BRCA1: variants seen among roughly 807,000 people sequenced by gnomAD.
BRCA1 encodes the protein breast cancer type 1 susceptibility protein.
BRCA1 carries 140 observed loss-of-function variants against 173.7 expected under a neutral mutation model. That is an observed-to-expected ratio of 0.81 (90% confidence interval 0.70 to 0.93). BRCA1 has a LOEUF of 0.93. BRCA1 is among the 40% of genes least tolerant of loss of function. BRCA1 has a pLI of 0.00. For missense variants in BRCA1, 1,983 were observed against 2,172.5 expected (o/e 0.91, Z 1.73); for synonymous variants, 662 against 756.0 (o/e 0.88, Z 2.04).
intron 19 of BRCA1, among the ~76,000 whole-genome samples, chr17:43,051,474 G>A (rs2051234051): frequency 6.6e-6 from 1 of 152,112 alleles, no homozygotes; most frequent in African/African-American, 2.4e-5. Flanking sequence ...AGGGAAAAAA[G>A]GTCCTTCTGT....
chr17:43,155,528 GTGAAACTTTTTT>G (rs1235450831), intron 1 of BRCA1, among the ~76,000 whole-genome samples: 2 of 152,076 alleles, frequency 1.3e-5, no homozygotes, highest in Non-Finnish European at 2.9e-5. Flanking sequence ...ACTATGTCCA[GTGAAACTTTTTT>G]TGGGGGGAGA....
At chr17:43,111,971 G>C (rs1363982061) in intron 3 of BRCA1, among the ~76,000 whole-genome samples, 4 of 152,278 alleles carry the variant, frequency 2.6e-5, no homozygotes, top group Non-Finnish European at 4.4e-5. Context: ...CAAAAGCATG[G>C]GGGTATCGCT....
intron 11 of BRCA1, among the ~76,000 whole-genome samples, chr17:43,088,830 C>T (rs1344012334): frequency 6.6e-6 from 1 of 152,218 alleles, no homozygotes; most frequent in Non-Finnish European, 1.5e-5. Context: ...ACAGAACTCT[C>T]ACCAATATTA....
Position 43,076,437 on chromosome 17 carries a change from T to C in BRCA1, c.4484+51A>G, listed in dbSNP as rs774226893. On this transcript the variant is annotated intron_variant, in intron 13 of 22. Coordinates refer to ENST00000357654, the MANE Select transcript of BRCA1 (RefSeq NM_007294.4). ...AAAAAAATTAACAATCAGAGTTCAA[T>C]ATAAATAAAGATGTCAGATACCACA... 8.1e-6 allele frequency: 13 copies of C among 1,604,534 alleles called. No individual in the cohort carries two copies. In the South Asian group the frequency reaches 1.4e-4, roughly 18 times the overall value.
At chr17:43,086,439 C>T (rs1012734849) in intron 11 of BRCA1, among the ~76,000 whole-genome samples, 2 of 151,924 alleles carry the variant, frequency 1.3e-5, no homozygotes, top group African/African-American at 4.8e-5. Flanking sequence ...CATCTATATA[C>T]TTTTTCTCGG....
intron 12 of BRCA1, among the ~76,000 whole-genome samples, chr17:43,078,315 C>T (rs1022546982): frequency 3.2e-4 from 49 of 152,072 alleles, no homozygotes; most frequent in Admixed American, 1.3e-3. Flanking sequence ...AAACTCCTGA[C>T]CTCAGGTGAT....
chr17:43,055,336 T>C (rs1229498997), intron 19 of BRCA1, among the ~76,000 whole-genome samples: 2 of 152,186 alleles, frequency 1.3e-5, no homozygotes, highest in Non-Finnish European at 2.9e-5. Flanking sequence ...CAAGAAACTA[T>C]AGTATTGTTG....
Position 43,091,904 on chromosome 17 carries a change from TA to T in BRCA1, c.3626del (p.Leu1209Ter), listed in dbSNP as rs80357571. The stretch of plus-strand genomic sequence containing the variant: ...TAGATAAGTTCTCTTCTGAGGACTC[TA>T]ATTTCTTGGCCCCTCTTCGGTAACC... ...AQGYRRGAKK[L>X]ESSEENLSSE... On this transcript the variant is annotated frameshift_variant, in exon 10 of 23. Transcript: ENST00000357654. LOFTEE classifies it high-confidence loss of function. 1.9e-6 allele frequency: 3 copies of T among 1,614,196 alleles called. No individual in the cohort carries two copies.
chr17:43,107,165 C>T (rs1291771473), intron 3 of BRCA1, among the ~76,000 whole-genome samples: 7 of 149,692 alleles, frequency 4.7e-5, no homozygotes, highest in South Asian at 4.2e-4. Context: ...CCTGGGTTCA[C>T]GCCATTCTCC....
intron 1 of BRCA1, among the ~76,000 whole-genome samples, chr17:43,158,846 G>A (rs2056214271): frequency 2.6e-5 from 4 of 152,186 alleles, no homozygotes; most frequent in Admixed American, 2.6e-4. Flanking sequence ...AAGTGTTATG[G>A]AGAAGCAGCA....
At chr17:43,050,961 T>C in intron 20 of BRCA1, 102 bp downstream of exon 20, 1 of 1,177,524 alleles carries the variant, frequency 8.5e-7, no homozygotes, top group Admixed American at 1.8e-5. Context: ...CTAGAACATT[T>C]CAGCAATCTG....
At chr17:43,073,496 G>C (rs2052546206) in intron 14 of BRCA1, among the ~76,000 whole-genome samples, 1 of 152,078 alleles carries the variant, frequency 6.6e-6, no homozygotes, top group Non-Finnish European at 1.5e-5. Context: ...ATGCCAAACA[G>C]TGTCTTTTAT....
chr17:43,131,720 CAAA>C (rs869203377), intron 1 of BRCA1, among the ~76,000 whole-genome samples: 1 of 132,828 alleles, frequency 7.5e-6, no homozygotes, highest in African/African-American at 2.8e-5. Context: ...GACTCCGTCT[CAAA>C]AAAAAAAAAA....
In BRCA1 at chr17:43,093,667, C is replaced by T. The variant is rs1567797954; in HGVS notation, c.1864G>A (p.Ala622Thr). 1 of 1,614,064 alleles carries T rather than the reference C, an allele frequency of 6.2e-7. No individual in the cohort carries two copies. The highest frequency in any genetic ancestry group is 2.2e-5 in the East Asian group (1 of 44,882). Residue 622 changes from alanine (A) to threonine (T), a missense_variant, in exon 10 of 23, where the codon GCG becomes ACG. By Grantham distance (58) the Ala-to-Thr change is moderately conservative. Transcript: ENST00000357654. Reference sequence around the variant, plus strand: ...TTTCTACTGACTACTAGTTCAAGCGCATGAATATGCCTGGTAGAAGACTTC... The same window carrying T: ...TTTCTACTGACTACTAGTTCAAGCGTATGAATATGCCTGGTAGAAGACTTC... ...RRKSSTRHIH[A>T]LELVVSRNLS...
chr17:43,118,318 T>C (rs527589832), intron 2 of BRCA1, among the ~76,000 whole-genome samples: 1 of 152,264 alleles, frequency 6.6e-6, no homozygotes, highest in East Asian at 1.9e-4. Context: ...AGGTAGCTGG[T>C]AACTTCTGGT....
Position 43,079,221 on chromosome 17 carries a change from G to C in BRCA1, c.4358-2607C>G, listed in dbSNP as rs902145030. 1.4e-5 allele frequency: 11 copies of C among 800,174 alleles called. No individual in the cohort carries two copies. In the African/African-American group the frequency reaches 1.6e-4, roughly 11 times the overall value. The allele number at this position is 800,174 out of a possible 1,614,324, so 49.6% of individuals were successfully genotyped here. A position where few individuals can be genotyped will look rare whatever the true frequency, so the allele number is the denominator to read the frequency against. On this transcript the variant is annotated intron_variant, in intron 12 of 22. Transcript: ENST00000357654. ...AAACAAAAAAAATGAAAGGCAGAGG[G>C]AAGGCTCAGATACAAACACAGCTAT...
At chr17:43,102,271 C>T (rs918417157) in intron 6 of BRCA1, among the ~76,000 whole-genome samples, 1 of 151,790 alleles carries the variant, frequency 6.6e-6, no homozygotes, top group African/African-American at 2.4e-5. Context: ...CGGGCTTTCA[C>T]CATGTGAGCC....
chr17:43,079,535 G>C (rs902104692), intron 12 of BRCA1: 1 of 1,000,020 alleles, frequency 1.0e-6, no homozygotes. Flanking sequence ...CTGTAAACAA[G>C]TTAAGGGCAA....
At chr17:43,130,294 A>G (rs2055954865), upstream of BRCA1, among the ~76,000 whole-genome samples, 2 of 152,072 alleles carry the variant, frequency 1.3e-5, no homozygotes, top group South Asian at 2.1e-4. Context: ...GATTACAGGC[A>G]TGAGCCACCA....
Sources: gnomAD v4.1 joint callset for allele counts (sites outside exome capture counted in the v4.1 genomes callset) on GRCh38, gnomAD v4.1.1 for gene constraint, MANE v1.5 for transcripts, NCBI Gene and HGNC (gene_info 2026-07-23, HGNC 2026-07-21) for gene names.